SULF1: variants seen among roughly 807,000 people sequenced by gnomAD.
SULF1 encodes extracellular sulfatase Sulf-1.
SULF1 carries 46 observed loss-of-function variants against 110.5 expected under a neutral mutation model. The observed-to-expected ratio is 0.42, with a 90% confidence interval of 0.33 to 0.53. The LOEUF is 0.53. Ranked by LOEUF, SULF1 falls within the 20% of genes least tolerant of loss-of-function variation. The pLI, the probability that SULF1 is intolerant of heterozygous loss-of-function variation, is 0.12. For missense variants in SULF1, 941 were observed against 1,094.2 expected (o/e 0.86, Z 1.98); for synonymous variants, 371 against 387.1 (o/e 0.96, Z 0.49).
intron 3 of SULF1, among the ~76,000 whole-genome samples, chr8:69,530,464 C>T (rs1398868515): frequency 6.6e-6 from 1 of 152,100 alleles, no homozygotes; most frequent in South Asian, 2.1e-4. Context: ...AATATAGTCA[C>T]CACTCCTTAT....
chr8:69,476,377 T>C (rs1456814455), intron 1 of SULF1, among the ~76,000 whole-genome samples: 2 of 152,230 alleles, frequency 1.3e-5, no homozygotes, highest in Admixed American at 6.5e-5. Context: ...CAAGTCTTCC[T>C]ACTAAATCAA....
chr8:69,580,050 A>G (rs899994488), intron 6 of SULF1, among the ~76,000 whole-genome samples: 18 of 152,312 alleles, frequency 1.2e-4, no homozygotes, highest in East Asian at 1.9e-4. Context: ...ATGGATTTAA[A>G]TGAGTTGAAT....
intron 3 of SULF1, among the ~76,000 whole-genome samples, chr8:69,551,743 G>A (rs978087260): frequency 2.0e-5 from 3 of 152,128 alleles, no homozygotes; most frequent in Non-Finnish European, 4.4e-5. Flanking sequence ...TGGGTTGATC[G>A]CTGTACTCTA....
intron 5 of SULF1, among the ~76,000 whole-genome samples, chr8:69,568,805 C>T (rs1805001686): frequency 6.6e-6 from 1 of 152,142 alleles, no homozygotes; most frequent in Non-Finnish European, 1.5e-5. Context: ...AGGATAATGG[C>T]TACCACTGGG....
intron 12 of SULF1, 111 bp downstream of exon 12, chr8:69,603,767 A>C: frequency 1.3e-6 from 1 of 759,854 alleles, no homozygotes; most frequent in Non-Finnish European, 2.4e-6. Flanking sequence ...AGATTTCGTA[A>C]ACCTAGTCAC....
chr8:69,575,639 T>C (rs1361684830), intron 5 of SULF1, among the ~76,000 whole-genome samples: 1 of 152,170 alleles, frequency 6.6e-6, no homozygotes, highest in Non-Finnish European at 1.5e-5. Flanking sequence ...ATCAGGCTAT[T>C]GTTCTCTGGT....
At chr8:69,469,537 C>T (rs1181592731) in intron 1 of SULF1, among the ~76,000 whole-genome samples, 1 of 152,126 alleles carries the variant, frequency 6.6e-6, no homozygotes, top group Admixed American at 6.5e-5. Flanking sequence ...GAGTAGGAAC[C>T]TCCATCAGGA....
chr8:69,607,023 G>A (rs1202384065), intron 13 of SULF1, among the ~76,000 whole-genome samples: 2 of 152,206 alleles, frequency 1.3e-5, no homozygotes. Context: ...ATTGTCTCTA[G>A]CTTCAGTGTA....
intron 5 of SULF1, among the ~76,000 whole-genome samples, chr8:69,566,826 G>A (rs984548501): frequency 7.2e-5 from 11 of 152,154 alleles, no homozygotes; most frequent in African/African-American, 2.7e-4. Context: ...CTCCAGCCTG[G>A]GCTACAGAGC....
chr8:69,550,187 A>G (rs1268110259), intron 3 of SULF1, among the ~76,000 whole-genome samples: 2 of 151,766 alleles, frequency 1.3e-5, no homozygotes, highest in Non-Finnish European at 2.9e-5. Context: ...ATGAAGGAAG[A>G]CTTTGGTGTG....
intron 1 of SULF1, among the ~76,000 whole-genome samples, chr8:69,484,862 T>TCTTC (rs150917549): frequency 2.1e-5 from 3 of 141,818 alleles, no homozygotes; most frequent in East Asian, 2.1e-4. Context: ...TTCTTCTTCT[T>TCTTC]TTCTTCCTCC....
At chr8:69,596,701 C>T (rs763639397) in intron 8 of SULF1, among the ~76,000 whole-genome samples, 7 of 152,262 alleles carry the variant, frequency 4.6e-5, no homozygotes, top group South Asian at 2.1e-4. Context: ...AGAGCTATCC[C>T]GGTGCATTAT....
chr8:69,635,338 G>A (rs942522729), intron 19 of SULF1, among the ~76,000 whole-genome samples: 4 of 152,236 alleles, frequency 2.6e-5, no homozygotes, highest in African/African-American at 9.6e-5. Flanking sequence ...CTCATTGATT[G>A]TAACAAATGT....
chr8:69,578,870 A>G (rs1805837667), intron 6 of SULF1, among the ~76,000 whole-genome samples: 1 of 152,198 alleles, frequency 6.6e-6, no homozygotes, highest in Non-Finnish European at 1.5e-5. Context: ...CTTAGTTAAC[A>G]GTAGGAAAAG....
At chr8:69,575,199 G>GTTTT (rs573518232) in intron 5 of SULF1, among the ~76,000 whole-genome samples, 1 of 141,162 alleles carries the variant, frequency 7.1e-6, no homozygotes. Flanking sequence ...AATCGAAATA[G>GTTTT]TTTTTTTTTT....
intron 14 of SULF1, 66 bp downstream of exon 14, chr8:69,621,317 C>T (rs758835068): frequency 2.9e-5 from 35 of 1,199,920 alleles, no homozygotes; most frequent in Middle Eastern, 5.3e-4. Context: ...AATAGAGAGA[C>T]GAAAGGGTTG....
chr8:69,658,622 A>G lies in SULF1; in HGVS notation c.*87A>G. On this transcript the variant is annotated 3_prime_UTR_variant, in exon 23 of 23. Coordinates refer to ENST00000402687, the MANE Select transcript of SULF1 (RefSeq NM_001128205.2). ...GAAAACATCTATGAGTACAGACAAA[A>G]CTACAGACTTAGTCTGGTGGACTGG... The G allele has an allele frequency of 1.9e-6, 2 of 1,079,224 alleles. No homozygotes were observed. The highest frequency in any genetic ancestry group is 2.9e-6 in the Non-Finnish European group (2 of 693,682). 66.9% of individuals were successfully genotyped at this position (1,079,224 alleles called of 1,614,324 possible). A position where few individuals can be genotyped will look rare whatever the true frequency, so the allele number is the denominator to read the frequency against.
chr8:69,510,607 TG>T (rs1189027462), intron 3 of SULF1, among the ~76,000 whole-genome samples: 2 of 126,380 alleles, frequency 1.6e-5, no homozygotes, highest in East Asian at 2.5e-4. Flanking sequence ...GGTTTTTTGG[TG>T]GGTTTTTTTT....
At position 69,593,199 on chromosome 8, in the gene SULF1, G is replaced by A. The variant is rs368286735; in HGVS notation, c.734+4058G>A. ...AAGGGGCTGGAAGGAGTGAGTGTGT[G>A]CACAGGTTCAGAGTTCAGTCTTCAG... On this transcript the variant is annotated intron_variant, in intron 8 of 22. Coordinates refer to ENST00000402687, the MANE Select transcript of SULF1 (RefSeq NM_001128205.2). Among the ~76,000 whole-genome samples the A allele has an allele frequency of 7.9e-5, 12 of 152,320 alleles. No individual in the cohort carries two copies. In the East Asian group the frequency reaches 1.7e-3, roughly 22 times the overall value.
Sources: allele counts gnomAD v4.1 joint callset (sites outside exome capture counted in the v4.1 genomes callset), GRCh38; gene constraint gnomAD v4.1.1; transcripts MANE v1.5; gene names NCBI Gene and HGNC (gene_info 2026-07-23, HGNC 2026-07-21).